The following SV2C variants were observed in gnomAD, a reference collection of about 807,000 sequenced individuals.
SV2C encodes solute carrier family 22 member B3.
In SV2C, 49 loss-of-function variants were observed where a neutral mutation model predicts 79.7. That is an observed-to-expected ratio of 0.61 (90% confidence interval 0.49 to 0.78). SV2C has a LOEUF of 0.78. SV2C is among the 30% of genes least tolerant of loss of function. The probability of loss-of-function intolerance (pLI) is 0.00; values close to 1 mark genes in which losing one functional copy is unlikely to be tolerated. For missense variants in SV2C, 833 were observed against 912.9 expected (o/e 0.91, Z 1.13); for synonymous variants, 334 against 333.2 (o/e 1.00, Z -0.03).
intron 4 of SV2C, among the ~76,000 whole-genome samples, chr5:76,259,843 A>G (rs980337660): frequency 6.6e-6 from 1 of 152,146 alleles, no homozygotes; most frequent in African/African-American, 2.4e-5. Context: ...TATCCAGTCT[A>G]TCATTGATGG....
At chr5:75,950,587 A>T in the SV2C span, among the ~76,000 whole-genome samples, 3 of 151,992 alleles carry the variant, frequency 2.0e-5, no homozygotes, top group Admixed American at 6.6e-5. Context: ...TAATATCTGG[A>T]CTACTTTTTA....
intron 3 of SV2C, among the ~76,000 whole-genome samples, chr5:76,205,026 C>T (rs772216448): frequency 2.6e-5 from 4 of 152,166 alleles, no homozygotes; most frequent in African/African-American, 7.2e-5. Context: ...ACATTCTTTG[C>T]CTTGCACAAT....
the SV2C span, among the ~76,000 whole-genome samples, chr5:75,983,811 G>A: frequency 2.0e-5 from 3 of 152,000 alleles, no homozygotes; most frequent in African/African-American, 4.8e-5. Context: ...TGCTTTGGTC[G>A]ATAGAATGCT....
At chr5:76,125,847 C>CA (rs1748689282) in intron 1 of SV2C, among the ~76,000 whole-genome samples, 1 of 152,090 alleles carries the variant, frequency 6.6e-6, no homozygotes, top group Non-Finnish European at 1.5e-5. Context: ...TGCTTGAGCA[C>CA]AGAAGTTCTA....
chr5:75,952,269 T>A, the SV2C span, among the ~76,000 whole-genome samples: 1 of 148,318 alleles, frequency 6.7e-6, no homozygotes, highest in East Asian at 2.0e-4. Context: ...CTTCCTTCCT[T>A]CCTTCCTTCC....
chr5:76,137,095 G>C (rs1051786404), intron 2 of SV2C, among the ~76,000 whole-genome samples: 1 of 152,128 alleles, frequency 6.6e-6, no homozygotes, highest in Non-Finnish European at 1.5e-5. Flanking sequence ...TCTGTGCCTC[G>C]GTTTTCATAG....
At chr5:76,034,310 C>T in the SV2C span, among the ~76,000 whole-genome samples, 2,699 of 152,308 alleles carry the variant, frequency 0.018, 40 homozygotes, top group South Asian at 0.049. Flanking sequence ...TGAGAGAGGG[C>T]ATCCCTGTCT....
intron 12 of SV2C, among the ~76,000 whole-genome samples, chr5:76,320,582 C>G (rs1258495674): frequency 2.0e-5 from 3 of 151,614 alleles, no homozygotes; most frequent in African/African-American, 7.3e-5. Flanking sequence ...TCAAAAACAT[C>G]TATTCATATT....
chr5:76,285,410 T>C, intron 5 of SV2C, 115 bp downstream of exon 5: 1 of 1,435,842 alleles, frequency 7.0e-7, no homozygotes, highest in Middle Eastern at 1.8e-4. Context: ...CTTCCTATTA[T>C]AGAATGATGG....
intron 4 of SV2C, among the ~76,000 whole-genome samples, chr5:76,237,880 A>G: frequency 6.6e-6 from 1 of 152,022 alleles, no homozygotes; most frequent in Non-Finnish European, 1.5e-5. Context: ...TGATCATAAT[A>G]TTCAAATGTG....
At chr5:76,020,283 TC>T in the SV2C span, among the ~76,000 whole-genome samples, 6 of 151,394 alleles carry the variant, frequency 4.0e-5, no homozygotes, top group Admixed American at 1.3e-4. Flanking sequence ...CTGTGTCAAA[TC>T]CATCTACACT....
rs143554707 is a variant in SV2C, at chr5:76,292,975, T to A, written c.1337+1119T>A. Reference sequence around the variant, plus strand: ...ATGTTGCAAGTTTCATCTCTTAACATCCCTAAATCAAACCAGGCAAGTGAT... The same window carrying A: ...ATGTTGCAAGTTTCATCTCTTAACAACCCTAAATCAAACCAGGCAAGTGAT... On this transcript the variant is annotated intron_variant, in intron 8 of 12. Transcript: ENST00000502798. Among the ~76,000 whole-genome samples, 102 of 152,272 alleles carry A rather than the reference T, an allele frequency of 6.7e-4. 2 individuals carry two copies. In the East Asian group the frequency reaches 0.019, roughly 28 times the overall value.
chr5:75,995,512 A>G, the SV2C span, among the ~76,000 whole-genome samples: 2 of 152,154 alleles, frequency 1.3e-5, no homozygotes, highest in African/African-American at 4.8e-5. Flanking sequence ...AAAATAAAAC[A>G]TCATTAATAC....
intron 4 of SV2C, among the ~76,000 whole-genome samples, chr5:76,229,507 C>A (rs1464642957): frequency 6.6e-6 from 1 of 152,228 alleles, no homozygotes; most frequent in Non-Finnish European, 1.5e-5. Context: ...GCCATGTCAG[C>A]TGACCCTCAC....
intron 4 of SV2C, among the ~76,000 whole-genome samples, chr5:76,271,149 G>A (rs999332178): frequency 2.6e-5 from 4 of 152,084 alleles, no homozygotes; most frequent in South Asian, 2.1e-4. Flanking sequence ...AAAATTAAAC[G>A]ATTCCATTTT....
At chr5:75,920,333 C>T in the SV2C span, among the ~76,000 whole-genome samples, 1 of 152,182 alleles carries the variant, frequency 6.6e-6, no homozygotes, top group African/African-American at 2.4e-5. Context: ...TAGAATCCTT[C>T]AGTCACCAAT....
chr5:76,312,265 G>GT (rs945480801), intron 12 of SV2C, among the ~76,000 whole-genome samples: 13 of 142,354 alleles, frequency 9.1e-5, no homozygotes, highest in African/African-American at 3.2e-4. Flanking sequence ...TTTTTTTTTG[G>GT]GGGGGGGGAC....
intron 1 of SV2C, among the ~76,000 whole-genome samples, chr5:76,127,077 A>G (rs1422544228): frequency 1.3e-5 from 2 of 152,204 alleles, no homozygotes; most frequent in Non-Finnish European, 2.9e-5. Flanking sequence ...TTGTTAGAAG[A>G]ATGGACTCTC....
intron 2 of SV2C, among the ~76,000 whole-genome samples, chr5:76,153,100 C>G (rs141383862): frequency 1.3e-5 from 2 of 152,156 alleles, no homozygotes; most frequent in Non-Finnish European, 2.9e-5. Context: ...AGCCTGGGAA[C>G]GTTGCTTCCT....
Sources: gnomAD v4.1 joint callset for allele counts (sites outside exome capture counted in the v4.1 genomes callset) on GRCh38, gnomAD v4.1.1 for gene constraint, MANE v1.5 for transcripts, NCBI Gene and HGNC (gene_info 2026-07-23, HGNC 2026-07-21) for gene names.